The following PPP2R5C variants were observed in gnomAD, a reference collection of about 807,000 sequenced individuals.
The protein encoded by PPP2R5C is serine/threonine-protein phosphatase 2A 56 kDa regulatory subunit gamma isoform.
PPP2R5C carries 7 observed loss-of-function variants against 68.9 expected under a neutral mutation model. The observed-to-expected ratio is 0.10, with a 90% CI of 0.06 to 0.19. The LOEUF is 0.19. Among genes scored for constraint, PPP2R5C ranks in the 10% least tolerant of loss-of-function variants. The probability of loss-of-function intolerance (pLI) is 1.00; values close to 1 mark genes in which losing one functional copy is unlikely to be tolerated. For synonymous variants in PPP2R5C, 210 were observed against 222.2 expected, an observed-to-expected ratio of 0.95 and a Z score of 0.49; for missense variants, 348 against 641.3, an observed-to-expected ratio of 0.54 and a Z score of 4.94.
intron 1 of PPP2R5C, among the ~76,000 whole-genome samples, chr14:101,837,499 A>C (rs1267906566): frequency 6.6e-6 from 1 of 152,220 alleles, no homozygotes; most frequent in Non-Finnish European, 1.5e-5. Context: ...GAGGAAACCG[A>C]TGTGATTTCC....
chr14:101,765,522 C>A lies in PPP2R5C; in HGVS notation c.93+2552C>A, dbSNP rs114329743. 4.8e-3 allele frequency: 1,896 copies of A among 395,878 alleles called. 36 individuals carry two copies. Among genetic ancestry groups the A allele is most frequent in the African/African-American group, 0.035 (1,713 of 49,322 alleles). The allele number at this position is 395,878 out of a possible 1,614,324, so 24.5% of individuals were successfully genotyped here. A position where few individuals can be genotyped will look rare whatever the true frequency, so the allele number is the denominator to read the frequency against. On this transcript the variant is annotated intron_variant, in intron 2 of 14. Coordinates refer to the PPP2R5C transcript ENST00000328724. The stretch of plus-strand genomic sequence containing the variant: ...ATTACTCTTAACTTGAATATTTTAA[C>A]CTGAACAATTTAAATAGGCTTGACA...
Position 101,797,325 on chromosome 14 carries a change from C to T in PPP2R5C, c.259+11142C>T, listed in dbSNP as rs1469749488. On this transcript the variant is annotated intron_variant, in intron 3 of 14. Coordinates refer to the PPP2R5C transcript ENST00000328724. This position sits in a 1 kb window ranked among gnomAD's most constrained non-coding sequence, Gnocchi z 4.2. ...GTATCCCCCAATCAGTGGATGGACG[C>T]GTGGGTTGCAGAGCACGCCACACAC... 2.2e-6 allele frequency: 1 copy of T among 455,850 alleles called. No homozygotes were observed. The highest frequency in any genetic ancestry group is 2.0e-5 in the African/African-American group (1 of 50,050). 28.2% of individuals were successfully genotyped at this position (455,850 alleles called of 1,614,324 possible).
intron 2 of PPP2R5C, among the ~76,000 whole-genome samples, chr14:101,771,348 G>A (rs543139469): frequency 5.3e-5 from 8 of 151,434 alleles, no homozygotes; most frequent in Admixed American, 2.0e-4. Context: ...TCCGCCTCCT[G>A]GGTTCAAGCT....
intron 9 of PPP2R5C, among the ~76,000 whole-genome samples, chr14:101,903,566 C>T (rs1369172641): frequency 2.6e-5 from 4 of 152,230 alleles, no homozygotes; most frequent in South Asian, 2.1e-4. Context: ...GTGTCCCCCA[C>T]GCACGCTTGC....
At chr14:101,813,115 C>T (rs1595230994) in intron 1 of PPP2R5C, among the ~76,000 whole-genome samples, 1 of 152,334 alleles carries the variant, frequency 6.6e-6, no homozygotes, top group Middle Eastern at 3.4e-3. Context: ...CTGTCCTCTG[C>T]AGCAGCCCCT....
At position 101,856,668 on chromosome 14, in the gene PPP2R5C, T is replaced by C. The variant is rs770106463; in HGVS notation, c.95-18T>C. 38 of 1,607,224 alleles carry C rather than the reference T, an allele frequency of 2.4e-5. 1 individual carries two copies. In the South Asian group the frequency reaches 4.0e-4, roughly 17 times the overall value. ...TAAGCACTTTTGTGATCAATATACT[T>C]TGCTTTCTGCTTTTCAGATGTTCCT... On this transcript the variant is annotated intron_variant, in intron 1 of 13. Coordinates refer to ENST00000334743, the Ensembl canonical transcript of PPP2R5C.
At chr14:101,773,907 C>A (rs965426124) in intron 2 of PPP2R5C, among the ~76,000 whole-genome samples, 4 of 152,176 alleles carry the variant, frequency 2.6e-5, no homozygotes, top group Admixed American at 6.5e-5. Flanking sequence ...GTCAGCCAGG[C>A]TAGTCTGAAA....
chr14:101,849,679 G>T (rs2042036356), intron 1 of PPP2R5C, among the ~76,000 whole-genome samples: 1 of 90,620 alleles, frequency 1.1e-5, no homozygotes, highest in African/African-American at 4.4e-5. Flanking sequence ...GTAGATATAT[G>T]TATATAATTT....
intron 2 of PPP2R5C, among the ~76,000 whole-genome samples, chr14:101,860,103 T>C (rs539947766): frequency 3.2e-3 from 494 of 152,266 alleles, no homozygotes; most frequent in African/African-American, 0.012. Context: ...AATATGAATA[T>C]AGAATTGTAC....
chr14:101,916,319 G>A lies in PPP2R5C; in HGVS notation c.1327-1512G>A, dbSNP rs959326511. 1.1e-4 allele frequency among the ~76,000 whole-genome samples: 17 copies of A among 152,126 alleles called. No individual in the cohort carries two copies. The highest frequency in any genetic ancestry group is 2.6e-4 in the Admixed American group (4 of 15,262). ...GAACCCAGCTGAGGGTGTGTGCCCC[G>A]TCTGTTTTTGGGGGACGTGGAAGCC... is the stretch of plus-strand genomic sequence containing the variant. On this transcript the variant is annotated intron_variant, in intron 12 of 13. Coordinates refer to ENST00000334743, the Ensembl canonical transcript of PPP2R5C. This position sits in a 1 kb window ranked among gnomAD's most constrained non-coding sequence, Gnocchi z 5.5.
At chr14:101,895,801 A>G (rs1190353851) in intron 8 of PPP2R5C, among the ~76,000 whole-genome samples, 1 of 152,134 alleles carries the variant, frequency 6.6e-6, no homozygotes, top group African/African-American at 2.4e-5. Flanking sequence ...ATTTGCTATA[A>G]TCCCCATTTT....
At chr14:101,845,312 G>T (rs989903374) in intron 1 of PPP2R5C, among the ~76,000 whole-genome samples, 2 of 152,136 alleles carry the variant, frequency 1.3e-5, no homozygotes, top group Admixed American at 1.3e-4. Flanking sequence ...TTCTGATTTG[G>T]CAGAGTCTGA....
At chr14:101,767,068 T>C (rs192413223) in intron 2 of PPP2R5C, 1 of 152,354 alleles carries the variant, frequency 6.6e-6, no homozygotes, top group Non-Finnish European at 1.5e-5. Flanking sequence ...TCAGCTTAGT[T>C]TTGTTTGAAA....
chr14:101,795,242 A>C (rs1027718785), intron 3 of PPP2R5C, among the ~76,000 whole-genome samples: 2 of 152,132 alleles, frequency 1.3e-5, no homozygotes, highest in Non-Finnish European at 2.9e-5. Flanking sequence ...ATTTTCAAAA[A>C]CCCTTAATAG....
At chr14:101,773,071 G>A (rs1177259026) in intron 2 of PPP2R5C, among the ~76,000 whole-genome samples, 1 of 152,102 alleles carries the variant, frequency 6.6e-6, no homozygotes. Context: ...TCCCTCCAGG[G>A]GATTCCTTCA....
chr14:101,798,028 T>C (rs1182955700), intron 3 of PPP2R5C, among the ~76,000 whole-genome samples: 2 of 152,158 alleles, frequency 1.3e-5, no homozygotes, highest in Non-Finnish European at 2.9e-5. Context: ...CATAGCTGAA[T>C]GTTAGGTATC....
intron 2 of PPP2R5C, among the ~76,000 whole-genome samples, chr14:101,863,558 G>A (rs1014311132): frequency 2.6e-5 from 4 of 152,170 alleles, no homozygotes; most frequent in Non-Finnish European, 5.9e-5. Flanking sequence ...CTAAAACAGT[G>A]CCACTCAAAG....
At position 101,915,675 on chromosome 14, in the gene PPP2R5C, C is replaced by T. The variant is rs1302604299; in HGVS notation, c.1327-2156C>T. On this transcript the variant is annotated intron_variant, in intron 12 of 13. Coordinates refer to ENST00000334743, the Ensembl canonical transcript of PPP2R5C. The surrounding 1 kb of genome is among the most constrained non-coding windows in gnomAD (Gnocchi z 4.2). ...TCTCCCACCTGACTGTGAGCCCCCT[C>T]GAGGAAAGGTGCTGTGTCCTGAATT... 6.6e-6 allele frequency among the ~76,000 whole-genome samples: 1 copy of T among 152,154 alleles called. No individual in the cohort carries two copies. The highest frequency in any genetic ancestry group is 1.5e-5 in the Non-Finnish European group (1 of 68,028).
intron 2 of PPP2R5C, among the ~76,000 whole-genome samples, chr14:101,868,911 T>TTTGG (rs1335050637): frequency 2.8e-5 from 4 of 143,158 alleles, no homozygotes; most frequent in African/African-American, 1.0e-4. Flanking sequence ...TTTGGTTTTG[T>TTTGG]TTGTTTGTTT....
Sources: gnomAD v4.1 joint callset for allele counts (sites outside exome capture counted in the v4.1 genomes callset) on GRCh38, gnomAD v4.1.1 for gene constraint, Gnocchi (gnomAD v3.1) non-coding constraint, MANE v1.5 for transcripts, NCBI Gene and HGNC (gene_info 2026-07-23, HGNC 2026-07-21) for gene names.